The following VNN1 variants were observed in gnomAD, a reference collection of about 807,000 sequenced individuals.
VNN1 encodes the protein vanin 1.
VNN1 carries 29 observed loss-of-function variants against 41.9 expected under a neutral mutation model. That is an observed-to-expected ratio of 0.69 (90% CI 0.52 to 0.94). The LOEUF (loss-of-function observed/expected upper bound fraction) is 0.94. Among genes scored for constraint, VNN1 ranks in the 40% least tolerant of loss-of-function variants. VNN1 has a pLI of 0.00. For missense variants in VNN1, 637 were observed against 621.1 expected (o/e 1.03, Z -0.27); for synonymous variants, 233 against 224.4 (o/e 1.04, Z -0.34).
At position 132,693,297 on chromosome 6, in the gene VNN1, C is replaced by A. The variant is rs1778319668; in HGVS notation, c.553G>T (p.Glu185Ter). Residue 185 changes from glutamate (E) to a stop codon, truncating the protein, a stop_gained, in exon 4 of 7, where the codon GAA (glutamate) becomes TAA (stop). Coordinates refer to ENST00000367928, the MANE Select transcript of VNN1 (RefSeq NM_004666.3). LOFTEE classifies it high-confidence loss of function. ...RYHKQNLFMG[E>*]NQFNVPKEPE... Reference sequence around the variant, plus strand: ...TCCTTGGGTACATTGAATTGATTTTCACCCATGAAAAGGTTTTGCTGCAAT... The same window carrying A: ...TCCTTGGGTACATTGAATTGATTTTAACCCATGAAAAGGTTTTGCTGCAAT... 1.2e-6 allele frequency: 2 copies of A among 1,604,698 alleles called. No individual in the cohort carries two copies. The highest frequency in any genetic ancestry group is 2.2e-5 in the South Asian group (2 of 89,404).
chr6:132,700,346 C>A (rs2840825), intron 2 of VNN1, among the ~76,000 whole-genome samples: 66,351 of 151,898 alleles, frequency 0.44, 15,704 homozygotes, highest in African/African-American at 0.61. Flanking sequence ...CTGCCCAAAC[C>A]CTCTAGAGCT....
chr6:132,693,964 T>C (rs369207826), intron 3 of VNN1, 26 bp downstream of exon 3: 18 of 1,612,252 alleles, frequency 1.1e-5, no homozygotes, highest in African/African-American at 6.7e-5. Flanking sequence ...CATTAACTAA[T>C]TGGATTATTT....
intron 6 of VNN1, 45 bp from the exon 7 acceptor site, chr6:132,683,367 C>T: frequency 6.4e-7 from 1 of 1,558,160 alleles, no homozygotes; most frequent in Non-Finnish European, 8.7e-7. Context: ...TCAAGTTTTA[C>T]AATCCCATAA....
intron 1 of VNN1, among the ~76,000 whole-genome samples, chr6:132,713,122 G>A (rs1170311293): frequency 2.6e-5 from 4 of 152,182 alleles, no homozygotes; most frequent in Non-Finnish European, 5.9e-5. Flanking sequence ...GTGACAGAGT[G>A]AGACCTTAAC....
chr6:132,692,973 C>A (rs777828782), intron 4 of VNN1, 51 bp downstream of exon 4: 4 of 1,461,264 alleles, frequency 2.7e-6, no homozygotes, highest in African/African-American at 1.4e-5. Flanking sequence ...TTTTTTTTTT[C>A]TTTTCTTTTC....
At chr6:132,692,933 T>A in intron 4 of VNN1, 91 bp downstream of exon 4, 1 of 1,367,840 alleles carries the variant, frequency 7.3e-7, no homozygotes, top group Non-Finnish European at 9.7e-7. Flanking sequence ...AACATTGTAT[T>A]AAGGAGTATG....
intron 2 of VNN1, among the ~76,000 whole-genome samples, chr6:132,704,654 A>G (rs1416099217): frequency 6.6e-6 from 1 of 152,052 alleles, no homozygotes; most frequent in Non-Finnish European, 1.5e-5. Flanking sequence ...TTTTTAAACT[A>G]GAAAAGGAAG....
At chr6:132,692,879 T>C in intron 4 of VNN1, 145 bp downstream of exon 4, 1 of 1,034,308 alleles carries the variant, frequency 9.7e-7, no homozygotes, top group Non-Finnish European at 1.3e-6. Flanking sequence ...AGATTGATTC[T>C]ATAGCATATT....
At chr6:132,690,447 CCTCCTA>C (rs1345605051) in intron 5 of VNN1, among the ~76,000 whole-genome samples, 1 of 152,184 alleles carries the variant, frequency 6.6e-6, no homozygotes, top group Admixed American at 6.6e-5. Flanking sequence ...CAAAGAATCC[CCTCCTA>C]CTCTTTTTCA....
At position 132,693,982 on chromosome 6, in the gene VNN1, A is replaced by T. The variant is rs766296615; in HGVS notation, c.534+8T>A. The stretch of plus-strand genomic sequence containing the variant: ...TAACTAATTGGATTATTTGCAAATT[A>T]ATTTTACCTTATGGTAGCGTGCCAC... On this transcript the variant is annotated splice_region_variant and intron_variant, in intron 3 of 6. Coordinates refer to ENST00000367928, the MANE Select transcript of VNN1 (RefSeq NM_004666.3). 5 of 1,614,002 alleles carry T rather than the reference A, an allele frequency of 3.1e-6. No individual in the cohort carries two copies. In the Admixed American group the frequency reaches 8.3e-5, roughly 27 times the overall value.
intron 2 of VNN1, among the ~76,000 whole-genome samples, chr6:132,709,579 G>T (rs750814622): frequency 2.0e-5 from 3 of 151,890 alleles, no homozygotes; most frequent in Non-Finnish European, 4.4e-5. Flanking sequence ...CACAAGAATT[G>T]CTTGGACCTG....
At position 132,713,824 on chromosome 6, in the gene VNN1, AC is replaced by A. The variant is rs781457964; in HGVS notation, c.210+1del. On this transcript the variant is annotated splice_donor_variant, in intron 1 of 6. Transcript: ENST00000367928. LOFTEE classifies it high-confidence loss of function. ...ACACTGGAGAGATGGTAGAGATGGTACCTGATCTGCTGCTGATGTGATCGCT... is the reference window on the plus strand; with the variant it reads ...ACACTGGAGAGATGGTAGAGATGGTACTGATCTGCTGCTGATGTGATCGCT... 1 of 1,612,500 alleles carries A rather than the reference AC, an allele frequency of 6.2e-7. No individual in the cohort carries two copies.
At chr6:132,710,627 G>A (rs1181010427) in intron 2 of VNN1, among the ~76,000 whole-genome samples, 2 of 152,058 alleles carry the variant, frequency 1.3e-5, no homozygotes, top group Non-Finnish European at 2.9e-5. Context: ...GCAGTGTTTT[G>A]TTTTCTGTTC....
At chr6:132,710,892 T>C (rs977036389) in intron 2 of VNN1, among the ~76,000 whole-genome samples, 4 of 152,362 alleles carry the variant, frequency 2.6e-5, no homozygotes, top group Admixed American at 2.6e-4. Context: ...TACCCAGTAA[T>C]GGGATTGGTG....
chr6:132,706,493 A>G (rs1429855750), intron 2 of VNN1, among the ~76,000 whole-genome samples: 2 of 152,214 alleles, frequency 1.3e-5, no homozygotes, highest in Non-Finnish European at 2.9e-5. Flanking sequence ...CTCACCATAT[A>G]CAAAAATCAA....
chr6:132,692,555 T>C lies in VNN1; in HGVS notation c.856A>G (p.Arg286Gly). 5 of 1,597,070 alleles carry C rather than the reference T, an allele frequency of 3.1e-6. No homozygotes were observed. The highest frequency in any genetic ancestry group is 4.3e-6 in the Non-Finnish European group (5 of 1,176,226). ...GSGIYAPNSSRAFHYDMKTEE... is the reference protein window; with the variant it reads ...GSGIYAPNSSGAFHYDMKTEE... ...GTCTTCATATCATAATGAAATGCTC[T>C]TGAAGAATTGGGTGCATAGATGCCA... Residue 286 changes from arginine to glycine, a missense_variant, in exon 5 of 7, where the codon AGA becomes GGA. Transcript: ENST00000367928.
chr6:132,694,009 A>C lies in VNN1; in HGVS notation c.515T>G (p.Leu172Arg). Residue 172 changes from leucine (L) to arginine (R), a missense_variant, in exon 3 of 7, where the codon CTG (leucine) becomes CGG (arginine). Transcript: ENST00000367928. Reference sequence around the variant, plus strand: ...TTTTACCTTATGGTAGCGTGCCACCAGTTTTCCTTGAGAATCAAATACCAC... The same window carrying C: ...TTTTACCTTATGGTAGCGTGCCACCCGTTTTCCTTGAGAATCAAATACCAC... The part of the protein sequence containing the change: ...TDVVFDSQGK[L>R]VARYHKQNLF... 1 of 1,614,196 alleles carries C rather than the reference A, an allele frequency of 6.2e-7. No individual in the cohort carries two copies. Among genetic ancestry groups the C allele is most frequent in the Non-Finnish European group, 8.5e-7 (1 of 1,180,020 alleles).
chr6:132,689,877 C>A (rs548819964), intron 5 of VNN1, among the ~76,000 whole-genome samples: 1 of 152,326 alleles, frequency 6.6e-6, no homozygotes, highest in South Asian at 2.1e-4. Context: ...ACATCTATAA[C>A]TGAACTCAGC....
intron 2 of VNN1, among the ~76,000 whole-genome samples, chr6:132,705,765 C>T (rs1369069308): frequency 6.6e-6 from 1 of 152,012 alleles, no homozygotes; most frequent in Non-Finnish European, 1.5e-5. Flanking sequence ...ACTTGGAAAA[C>T]CCTAAAGACT....
Sources: gnomAD v4.1 joint callset for allele counts (sites outside exome capture counted in the v4.1 genomes callset) on GRCh38, gnomAD v4.1.1 for gene constraint, MANE v1.5 for transcripts, NCBI Gene and HGNC (gene_info 2026-07-23, HGNC 2026-07-21) for gene names.